The following ANLN variants were observed in gnomAD, a reference collection of about 807,000 sequenced individuals.
The protein encoded by ANLN is anillin, actin binding protein.
Under a neutral mutation model 135.1 loss-of-function variants are expected in ANLN, and 59 were observed. The ratio of observed to expected loss-of-function variants is 0.44; its 90% confidence interval spans 0.35 to 0.54. ANLN has a LOEUF of 0.54. Ranked by LOEUF, ANLN falls within the 20% of genes least tolerant of loss-of-function variation. ANLN has a pLI of 0.00. For missense variants in ANLN, 1,182 were observed against 1,340.0 expected (o/e 0.88, Z 1.84); for synonymous variants, 406 against 456.4 (o/e 0.89, Z 1.41).
At chr7:36,452,275 A>G (rs1789276447) in intron 23 of ANLN, among the ~76,000 whole-genome samples, 1 of 152,242 alleles carries the variant, frequency 6.6e-6, no homozygotes, top group Non-Finnish European at 1.5e-5. Flanking sequence ...GTTAGCATCA[A>G]TTAACCAAAC....
At position 36,452,992 on chromosome 7, in the gene ANLN, A is replaced by C. The variant is rs1191679761; in HGVS notation, c.*392A>C. Reference sequence around the variant, plus strand: ...CAGAAACCCATTCTCCAATCTCAGTAGTTTTTTCGAAAGGCTGTGATCATT... The same window carrying C: ...CAGAAACCCATTCTCCAATCTCAGTCGTTTTTTCGAAAGGCTGTGATCATT... On this transcript the variant is annotated 3_prime_UTR_variant, in exon 24 of 24. Coordinates refer to ENST00000265748, the MANE Select transcript of ANLN (RefSeq NM_018685.5). 6.3e-6 allele frequency: 1 copy of C among 158,080 alleles called. No homozygotes were observed. Among genetic ancestry groups the C allele is most frequent in the Admixed American group, 6.3e-5 (1 of 15,924 alleles). 9.8% of individuals were successfully genotyped at this position (158,080 alleles called of 1,614,324 possible). A position where few individuals can be genotyped will look rare whatever the true frequency, so the allele number is the denominator to read the frequency against.
chr7:36,396,568 A>T, intron 2 of ANLN, 149 bp downstream of exon 2: 1 of 699,250 alleles, frequency 1.4e-6, no homozygotes, highest in South Asian at 4.0e-5. Context: ...CTTCTATTCT[A>T]TTTCAGAGTT....
chr7:36,420,536 A>T (rs767490513), intron 11 of ANLN, 61 bp from the exon 12 acceptor site: 2 of 1,440,966 alleles, frequency 1.4e-6, no homozygotes, highest in Non-Finnish European at 1.9e-6. Context: ...GATATGTTCA[A>T]TAAAGGATAG....
At chr7:36,413,056 G>A (rs893789529) in intron 7 of ANLN, among the ~76,000 whole-genome samples, 7 of 151,844 alleles carry the variant, frequency 4.6e-5, no homozygotes, top group Non-Finnish European at 7.4e-5. Context: ...ACTGCCTATG[G>A]GAGTCTTCTC....
intron 3 of ANLN, among the ~76,000 whole-genome samples, chr7:36,401,573 A>T (rs1006967658): frequency 2.0e-5 from 3 of 147,078 alleles, no homozygotes; most frequent in Non-Finnish European, 3.0e-5. Context: ...TCCTGACCTC[A>T]GGTGATCCGC....
intron 20 of ANLN, among the ~76,000 whole-genome samples, chr7:36,434,530 A>G (rs1320875358): frequency 1.3e-5 from 2 of 152,216 alleles, no homozygotes; most frequent in African/African-American, 4.8e-5. Context: ...TAAGTTGCTA[A>G]GAATATTTTC....
chr7:36,439,433 A>G, intron 21 of ANLN, 143 bp downstream of exon 21: 2 of 581,790 alleles, frequency 3.4e-6, no homozygotes, highest in African/African-American at 1.9e-5. Context: ...TATGCCAATC[A>G]CTGTGCTGCC....
intron 20 of ANLN, among the ~76,000 whole-genome samples, chr7:36,432,586 C>T (rs976739877): frequency 2.0e-4 from 30 of 152,322 alleles, no homozygotes; most frequent in African/African-American, 7.2e-4. Context: ...CTGAATGGTG[C>T]CATGTACAGT....
chr7:36,442,519 C>G (rs753437077), intron 21 of ANLN, among the ~76,000 whole-genome samples: 50 of 152,148 alleles, frequency 3.3e-4, no homozygotes, highest in Non-Finnish European at 4.9e-4. Flanking sequence ...CTCTCTGGCC[C>G]TTATAGAAAA....
intron 20 of ANLN, among the ~76,000 whole-genome samples, chr7:36,438,970 C>T (rs964060143): frequency 2.6e-5 from 4 of 152,150 alleles, no homozygotes; most frequent in African/African-American, 9.7e-5. Context: ...CTCACATTAA[C>T]TTGAGACTTA....
intron 6 of ANLN, 136 bp downstream of exon 6, chr7:36,410,840 A>C (rs1371717831): frequency 4.0e-6 from 4 of 995,432 alleles, no homozygotes; most frequent in African/African-American, 3.3e-5. Flanking sequence ...ATTTCAGACA[A>C]GATTGGGCAC....
At chr7:36,402,898 C>T (rs2116551425) in intron 3 of ANLN, among the ~76,000 whole-genome samples, 1 of 152,246 alleles carries the variant, frequency 6.6e-6, no homozygotes, top group East Asian at 1.9e-4. Flanking sequence ...AGAATAAACA[C>T]TGTCCTATCA....
At chr7:36,447,265 TTC>T (rs995535607) in intron 22 of ANLN, among the ~76,000 whole-genome samples, 1 of 152,164 alleles carries the variant, frequency 6.6e-6, no homozygotes, top group Non-Finnish European at 1.5e-5. Context: ...ACGATTTTTT[TTC>T]TCTCCTTATT....
At position 36,399,194 on chromosome 7, in the gene ANLN, T is replaced by C. The variant is rs1786834188; in HGVS notation, c.288T>C (p.Cys96=). The change falls in exon 3 of 24, where the codon TGT becomes TGC. Residue 96 remains cysteine (C), a synonymous_variant. Transcript: ENST00000265748. ...TTGAGTCGACATCTGCAAAATCTTG[T>C]TCTCCAAGTCCTGTGTCTCCTCAGG... ...QPVESTSAKS[C]SPSPVSPQVQ... 6.2e-7 allele frequency: 1 copy of C among 1,614,060 alleles called. No individual in the cohort carries two copies. Among genetic ancestry groups the C allele is most frequent in the African/African-American group, 1.3e-5 (1 of 74,934 alleles).
At chr7:36,395,508 A>G (rs1328342854) in intron 1 of ANLN, among the ~76,000 whole-genome samples, 2 of 152,186 alleles carry the variant, frequency 1.3e-5, no homozygotes, top group Admixed American at 1.3e-4. Flanking sequence ...CTCCATCTAA[A>G]GATTCTTAAT....
intron 23 of ANLN, 110 bp from the exon 24 acceptor site, chr7:36,452,367 G>T (rs1583669337): frequency 7.1e-7 from 1 of 1,404,506 alleles, no homozygotes; most frequent in South Asian, 1.3e-5. Context: ...GGTGGTTAAA[G>T]GTAATTCATT....
Position 36,415,810 on chromosome 7 carries a change from C to A in ANLN, c.1448C>A (p.Thr483Asn). Residue 483 changes from threonine to asparagine, a missense_variant, in exon 8 of 24, where the codon ACT (threonine) becomes AAT (asparagine). Physicochemically the swap from Thr to Asn is moderately conservative, Grantham distance 65. Around this residue, in one of 3 missense-constraint regions of ANLN, gnomAD observed 1,022 missense variants for 1,134.0 expected, o/e 0.90. Transcript: ENST00000265748. ...PLKKHQGVSK[T>N]QSLPVTEKVT... ...AAAAAACACCAAGGTGTTTCAAAAA[C>A]TCAGTCACTTCCAGTAACAGAAAAG... is the stretch of plus-strand genomic sequence containing the variant. The A allele has an allele frequency of 6.2e-7, 1 of 1,610,366 alleles. No homozygotes were observed. Among genetic ancestry groups the A allele is most frequent in the Non-Finnish European group, 8.5e-7 (1 of 1,178,692 alleles).
intron 8 of ANLN, 93 bp downstream of exon 8, chr7:36,415,977 T>C: frequency 1.7e-5 from 20 of 1,169,482 alleles, no homozygotes; most frequent in Non-Finnish European, 2.4e-5. Flanking sequence ...CTGGATTTGT[T>C]TGTTCTAACG....
chr7:36,415,605 A>C (rs192639169), intron 7 of ANLN, among the ~76,000 whole-genome samples, 153 bp from the exon 8 acceptor site: 5 of 152,208 alleles, frequency 3.3e-5, no homozygotes, highest in African/African-American at 1.2e-4. Context: ...TGTTCTGAAC[A>C]AGGCTGGGCC....
Sources: gnomAD v4.1 joint callset for allele counts (sites outside exome capture counted in the v4.1 genomes callset) on GRCh38, gnomAD v4.1.1 for gene constraint, gnomAD v4.1.1 regional missense constraint, MANE v1.5 for transcripts, NCBI Gene and HGNC (gene_info 2026-07-23, HGNC 2026-07-21) for gene names.